GAS7: variants seen among roughly 807,000 people sequenced by gnomAD.
GAS7 encodes the protein growth arrest-specific protein 7.
A neutral mutation model predicts 71.1 loss-of-function variants in GAS7; 28 were observed. That is an observed-to-expected ratio of 0.39 (90% confidence interval 0.29 to 0.54). The LOEUF (loss-of-function observed/expected upper bound fraction) is 0.54. Among genes scored for constraint, GAS7 ranks in the 20% least tolerant of loss-of-function variants. The probability of loss-of-function intolerance (pLI) is 0.62; values close to 1 mark genes in which losing one functional copy is unlikely to be tolerated. For missense variants in GAS7, 436 were observed against 627.8 expected, an observed-to-expected ratio of 0.69 and a Z score of 3.27; for synonymous variants, 258 against 245.8, an observed-to-expected ratio of 1.05 and a Z score of -0.46.
At chr17:10,190,026 C>A (rs2074485993) in intron 1 of GAS7, among the ~76,000 whole-genome samples, 2 of 152,080 alleles carry the variant, frequency 1.3e-5, no homozygotes, top group African/African-American at 4.8e-5. Context: ...AATTTCAGTC[C>A]ATAAATAAAG....
At chr17:10,072,070 CA>C (rs900594903) in intron 1 of GAS7, among the ~76,000 whole-genome samples, 1 of 152,114 alleles carries the variant, frequency 6.6e-6, no homozygotes, top group Non-Finnish European at 1.5e-5. Flanking sequence ...TTCTCTATCA[CA>C]GTAGTCTGCA....
intron 1 of GAS7, among the ~76,000 whole-genome samples, chr17:10,076,303 C>T (rs1354686856): frequency 9.0e-5 from 4 of 44,454 alleles, no homozygotes; most frequent in East Asian, 9.1e-4. Flanking sequence ...GGAGAAGGGA[C>T]GGGAGGAGAA....
At chr17:10,161,650 TCC>T (rs2074256848) in intron 1 of GAS7, among the ~76,000 whole-genome samples, 1 of 152,192 alleles carries the variant, frequency 6.6e-6, no homozygotes, top group Admixed American at 6.5e-5. Context: ...TCTCAGTTGT[TCC>T]ACTCAGTCAT....
intron 1 of GAS7, among the ~76,000 whole-genome samples, chr17:10,048,592 T>C (rs1045121074): frequency 2.6e-5 from 4 of 152,210 alleles, no homozygotes; most frequent in African/African-American, 9.6e-5. Flanking sequence ...GTTATGTCCA[T>C]TGCTGTGGGT....
At chr17:10,036,061 T>C (rs536231782) in intron 1 of GAS7, among the ~76,000 whole-genome samples, 1 of 152,276 alleles carries the variant, frequency 6.6e-6, no homozygotes, top group Non-Finnish European at 1.5e-5. Context: ...TGGACTCCAT[T>C]AAAATCACAT....
Position 9,913,643 on chromosome 17 carries a change from G to C in GAS7, c.*3585C>G, listed in dbSNP as rs889735611. ...CGCAGAAATTCTCCTTGGCCAACAGGGTGCTGAGTGGAGGTAGAAAGGAGG... is the reference window on the plus strand; with the variant it reads ...CGCAGAAATTCTCCTTGGCCAACAGCGTGCTGAGTGGAGGTAGAAAGGAGG... On this transcript the variant is annotated 3_prime_UTR_variant, in exon 14 of 14. Transcript: ENST00000432992. 4 of 230,650 alleles carry C rather than the reference G, an allele frequency of 1.7e-5. No individual in the cohort carries two copies. The highest frequency in any genetic ancestry group is 3.4e-5 in the Non-Finnish European group (4 of 116,510). The allele number at this position is 230,650 out of a possible 1,614,324, so 14.3% of individuals were successfully genotyped here.
intron 1 of GAS7, among the ~76,000 whole-genome samples, chr17:10,052,335 T>C (rs1253539652): frequency 6.6e-6 from 1 of 152,168 alleles, no homozygotes; most frequent in Non-Finnish European, 1.5e-5. Flanking sequence ...GATCATCAAC[T>C]GTCAAATTGA....
chr17:10,085,192 A>G (rs1188065877), intron 1 of GAS7, among the ~76,000 whole-genome samples: 1 of 152,220 alleles, frequency 6.6e-6, no homozygotes, highest in African/African-American at 2.4e-5. Context: ...TACATCAGCC[A>G]GAATCAGTTT....
chr17:10,140,410 G>A (rs1436608897), intron 1 of GAS7, among the ~76,000 whole-genome samples: 4 of 152,116 alleles, frequency 2.6e-5, no homozygotes, highest in Non-Finnish European at 5.9e-5. Flanking sequence ...GCAGTGAGCC[G>A]TGACTGCCAC....
intron 1 of GAS7, among the ~76,000 whole-genome samples, chr17:10,051,201 T>G (rs2073057094): frequency 6.6e-6 from 1 of 152,198 alleles, no homozygotes; most frequent in East Asian, 1.9e-4. Context: ...AATAAGACAG[T>G]AGAAACAATG....
At chr17:10,124,839 A>G (rs557379626) in intron 1 of GAS7, among the ~76,000 whole-genome samples, 1 of 151,960 alleles carries the variant, frequency 6.6e-6, no homozygotes, top group South Asian at 2.1e-4. Context: ...AATCGCTTGA[A>G]CCCGGGAGGT....
At chr17:10,188,864 G>C (rs1260425380) in intron 1 of GAS7, among the ~76,000 whole-genome samples, 2 of 152,116 alleles carry the variant, frequency 1.3e-5, no homozygotes. Flanking sequence ...GGCTGGTCTT[G>C]AACTCCTGGG....
Position 9,914,469 on chromosome 17 carries a change from G to A in GAS7, c.*2759C>T. The A allele has an allele frequency of 5.5e-6, 1 of 180,944 alleles. No homozygotes were observed. Among genetic ancestry groups the A allele is most frequent in the East Asian group, 9.1e-5 (1 of 10,956 alleles). 11.2% of individuals were successfully genotyped at this position (180,944 alleles called of 1,614,324 possible). A position where few individuals can be genotyped will look rare whatever the true frequency, so the allele number is the denominator to read the frequency against. On this transcript the variant is annotated 3_prime_UTR_variant, in exon 14 of 14. Coordinates refer to ENST00000432992, the MANE Select transcript of GAS7 (RefSeq NM_201433.2). ...TCTCGATCTCCTGACCTCGTGATCTGCCCACCTCGGCCTCCCAAAGAGCTG... is the reference window on the plus strand; with the variant it reads ...TCTCGATCTCCTGACCTCGTGATCTACCCACCTCGGCCTCCCAAAGAGCTG...
chr17:10,195,865 C>T (rs1411547107), intron 1 of GAS7, among the ~76,000 whole-genome samples: 1 of 152,100 alleles, frequency 6.6e-6, no homozygotes, highest in Admixed American at 6.5e-5. Flanking sequence ...TTCCCAGATG[C>T]CAAGCACCTG....
At position 9,912,484 on chromosome 17, in the gene GAS7, A is replaced by C. The variant is rs2067464953; in HGVS notation, c.*4744T>G. 1.3e-5 allele frequency: 3 copies of C among 232,826 alleles called. No individual in the cohort carries two copies. The highest frequency in any genetic ancestry group is 6.6e-5 in the African/African-American group (3 of 45,324). The allele number at this position is 232,826 out of a possible 1,614,324, so 14.4% of individuals were successfully genotyped here. A position where few individuals can be genotyped will look rare whatever the true frequency, so the allele number is the denominator to read the frequency against. On this transcript the variant is annotated 3_prime_UTR_variant, in exon 14 of 14. Coordinates refer to ENST00000432992, the MANE Select transcript of GAS7 (RefSeq NM_201433.2). ...CATGCTGCTTCTGCTCGCCTTTCAA[A>C]GCCTCCAACGCCCAATACATAGCCA...
At chr17:9,973,319 T>C (rs1441477067) in intron 3 of GAS7, among the ~76,000 whole-genome samples, 5 of 151,578 alleles carry the variant, frequency 3.3e-5, no homozygotes, top group Non-Finnish European at 7.4e-5. Flanking sequence ...CAGTGGGCGA[T>C]CTCGGCTCAC....
intron 1 of GAS7, among the ~76,000 whole-genome samples, chr17:10,049,874 C>G (rs1187648571): frequency 6.6e-6 from 1 of 152,004 alleles, no homozygotes. Flanking sequence ...CCCACCTTGG[C>G]GTCCCAAAGT....
At position 10,192,378 on chromosome 17, in the gene GAS7, T is replaced by C. The variant is rs533812931; in HGVS notation, c.183+5830A>G. On this transcript the variant is annotated intron_variant, in intron 1 of 13. Transcript: ENST00000432992. ...AGCACAGTCCCCTGGGCTGGCCTGA[T>C]AATAGTCAAAATACCTTACATGTAC... Among the ~76,000 whole-genome samples, 5 of 152,342 alleles carry C rather than the reference T, an allele frequency of 3.3e-5. No homozygotes were observed. The East Asian group carries it at 7.7e-4, about 23-fold the overall frequency.
chr17:10,038,327 G>C (rs1447548493), intron 1 of GAS7, among the ~76,000 whole-genome samples: 3 of 152,174 alleles, frequency 2.0e-5, no homozygotes, highest in East Asian at 3.9e-4. Context: ...TCCAGCCTGG[G>C]CAACGGAGCA....
Sources: allele counts gnomAD v4.1 joint callset (sites outside exome capture counted in the v4.1 genomes callset), GRCh38; gene constraint gnomAD v4.1.1; transcripts MANE v1.5; gene names NCBI Gene and HGNC (gene_info 2026-07-23, HGNC 2026-07-21).